PPFIBP1: variants seen among roughly 807,000 people sequenced by gnomAD.
The protein encoded by PPFIBP1 is liprin-beta-1.
PPFIBP1 carries 112 observed loss-of-function variants against 137.8 expected under a neutral mutation model. That is an observed-to-expected ratio of 0.81 (90% CI 0.70 to 0.95). The LOEUF (loss-of-function observed/expected upper bound fraction) is 0.95. PPFIBP1 is among the 40% of genes least tolerant of loss of function. The pLI is 0.00. For missense variants in PPFIBP1, 1,083 were observed against 1,196.6 expected (o/e 0.91, Z 1.40); for synonymous variants, 378 against 417.3 (o/e 0.91, Z 1.15).
chr12:27,545,499 T>G (rs1253367412), intron 1 of PPFIBP1, among the ~76,000 whole-genome samples: 1 of 152,162 alleles, frequency 6.6e-6, no homozygotes, highest in African/African-American at 2.4e-5. Context: ...ATAGTACATA[T>G]GAGAACCCAG....
intron 2 of PPFIBP1, among the ~76,000 whole-genome samples, chr12:27,631,291 T>C (rs2057247307): frequency 6.6e-6 from 1 of 152,188 alleles, no homozygotes; most frequent in Admixed American, 6.5e-5. Flanking sequence ...ACCACTGAAC[T>C]GGACGATTTT....
At chr12:27,689,769 G>C (rs779275962) in intron 27 of PPFIBP1, among the ~76,000 whole-genome samples, 3 of 152,128 alleles carry the variant, frequency 2.0e-5, no homozygotes, top group Non-Finnish European at 4.4e-5. Context: ...CCGGGTGTTG[G>C]CTGCACTTCC....
At chr12:27,653,914 G>C (rs946828432) in intron 7 of PPFIBP1, among the ~76,000 whole-genome samples, 3 of 151,978 alleles carry the variant, frequency 2.0e-5, no homozygotes, top group Non-Finnish European at 4.4e-5. Flanking sequence ...TGAACTGCAG[G>C]GCCCTCATCC....
chr12:27,669,555 T>C (rs2060054845), intron 13 of PPFIBP1, among the ~76,000 whole-genome samples: 1 of 152,174 alleles, frequency 6.6e-6, no homozygotes, highest in African/African-American at 2.4e-5. Flanking sequence ...AGTTTGGAGT[T>C]AAAGTCTTAA....
At chr12:27,574,949 T>C (rs1380182353) in intron 1 of PPFIBP1, among the ~76,000 whole-genome samples, 1 of 152,214 alleles carries the variant, frequency 6.6e-6, no homozygotes, top group Non-Finnish European at 1.5e-5. Flanking sequence ...TCCCAACGAA[T>C]ATCACAATTA....
In PPFIBP1 at chr12:27,530,323, C is replaced by G. The variant is rs186789347; in HGVS notation, c.-124+5958C>G. The stretch of plus-strand genomic sequence containing the variant: ...GAGGGTGGAAGGGAAACAGTGACGA[C>G]TCACAGGAGACACACTGGTTGAACC... On this transcript the variant is annotated intron_variant, in intron 1 of 29. Transcript: ENST00000228425. Among the ~76,000 whole-genome samples, 213 of 152,180 alleles carry G rather than the reference C, an allele frequency of 1.4e-3. 2 individuals carry two copies. Among genetic ancestry groups the G allele is most frequent in the Non-Finnish European group, 7.8e-4 (53 of 68,026 alleles).
intron 2 of PPFIBP1, among the ~76,000 whole-genome samples, chr12:27,587,684 A>G (rs957346358): frequency 6.6e-6 from 1 of 150,802 alleles, no homozygotes; most frequent in African/African-American, 2.4e-5. Context: ...TAATACTTTA[A>G]TAGAGATCTA....
intron 2 of PPFIBP1, among the ~76,000 whole-genome samples, chr12:27,592,997 T>A (rs10842946): frequency 0.27 from 41,372 of 151,386 alleles, 7,057 homozygotes; most frequent in Middle Eastern, 0.39. Flanking sequence ...AAAGTTAGGG[T>A]AGCAGACGCC....
chr12:27,574,371 C>T (rs2050391856), intron 1 of PPFIBP1, among the ~76,000 whole-genome samples: 1 of 152,168 alleles, frequency 6.6e-6, no homozygotes. Flanking sequence ...TAGAGTCTCT[C>T]TGCTAAGTCT....
At chr12:27,601,918 A>G (rs1437833435) in intron 2 of PPFIBP1, among the ~76,000 whole-genome samples, 6 of 152,352 alleles carry the variant, frequency 3.9e-5, no homozygotes, top group Admixed American at 1.3e-4. Context: ...TGTGGCTACT[A>G]AAATTTAAAT....
At chr12:27,654,280 A>T (rs1264155905) in intron 7 of PPFIBP1, 1 of 152,328 alleles carries the variant, frequency 6.6e-6, no homozygotes, top group East Asian at 1.9e-4. Context: ...CAAATTTTTT[A>T]AAATAGCCAT....
intron 2 of PPFIBP1, among the ~76,000 whole-genome samples, chr12:27,587,933 A>T (rs11611544): frequency 0.27 from 40,566 of 152,036 alleles, 5,609 homozygotes; most frequent in Middle Eastern, 0.32. Context: ...ACAAATAGCA[A>T]TTGGTTGTCA....
At chr12:27,553,894 C>T (rs914432181) in intron 1 of PPFIBP1, among the ~76,000 whole-genome samples, 4 of 152,282 alleles carry the variant, frequency 2.6e-5, no homozygotes, top group East Asian at 1.9e-4. Flanking sequence ...CTGAATTATA[C>T]GTGTTACTTA....
At chr12:27,556,982 A>G (rs10506022) in intron 1 of PPFIBP1, among the ~76,000 whole-genome samples, 1 of 151,946 alleles carries the variant, frequency 6.6e-6, no homozygotes, top group South Asian at 2.1e-4. Context: ...AAATCTTGAA[A>G]TAGGTCTTAC....
rs193300307 is a variant in PPFIBP1, at chr12:27,693,867, G to A, written c.*985G>A. ...AATTTTTGCATTTTTAGTAGAGACA[G>A]GGTTTCACCATATTGGCCAGGCTGG... On this transcript the variant is annotated 3_prime_UTR_variant, in exon 30 of 30. Coordinates refer to ENST00000228425, the MANE Select transcript of PPFIBP1 (RefSeq NM_003622.4). 9.0e-4 allele frequency: 137 copies of A among 152,312 alleles called. 1 individual carries two copies. Among genetic ancestry groups the A allele is most frequent in the African/African-American group, 3.2e-3 (131 of 41,544 alleles). 9.4% of individuals were successfully genotyped at this position (152,312 alleles called of 1,614,324 possible).
intron 1 of PPFIBP1, chr12:27,548,219 C>A (rs899068): frequency 6.6e-6 from 1 of 152,030 alleles, no homozygotes; most frequent in East Asian, 1.9e-4. Context: ...AATTACTGCA[C>A]GTTCAGAATA....
Position 27,692,794 on chromosome 12 carries a change from A to G in PPFIBP1, c.2932-2A>G. 1 of 1,614,152 alleles carries G rather than the reference A, an allele frequency of 6.2e-7. No individual in the cohort carries two copies. The highest frequency in any genetic ancestry group is 8.5e-7 in the Non-Finnish European group (1 of 1,179,996). The stretch of plus-strand genomic sequence containing the variant: ...GTGACTCCCTGTCTCCTTGTTTTCC[A>G]GCACATGTTAAAAGAAGATGACATG... On this transcript the variant is annotated splice_acceptor_variant, in intron 29 of 29. Coordinates refer to ENST00000228425, the MANE Select transcript of PPFIBP1 (RefSeq NM_003622.4). LOFTEE classifies it high-confidence loss of function.
chr12:27,646,409 T>A, intron 5 of PPFIBP1: 1 of 63,872 alleles, frequency 1.6e-5, no homozygotes. Context: ...TGATCTGTTC[T>A]TTTTTTTTTT....
intron 17 of PPFIBP1, among the ~76,000 whole-genome samples, chr12:27,674,529 G>A (rs886150559): frequency 6.6e-6 from 1 of 152,164 alleles, no homozygotes; most frequent in Non-Finnish European, 1.5e-5. Context: ...GGTAGAGGTG[G>A]TGGTTGCACA....
Sources: gnomAD v4.1 joint callset for allele counts (sites outside exome capture counted in the v4.1 genomes callset) on GRCh38, gnomAD v4.1.1 for gene constraint, MANE v1.5 for transcripts, NCBI Gene and HGNC (gene_info 2026-07-23, HGNC 2026-07-21) for gene names.